Variants in HSD17B12 observed in about 807,000 individuals in gnomAD.
HSD17B12 encodes the protein very-long-chain 3-oxoacyl-CoA reductase.
HSD17B12 carries 32 observed loss-of-function variants against 39.3 expected under a neutral mutation model. The observed-to-expected ratio is 0.81, with a 90% CI of 0.61 to 1.09. HSD17B12 has a LOEUF of 1.09. Among genes scored for constraint, HSD17B12 ranks in the 50% least tolerant of loss-of-function variants. The pLI, the probability that HSD17B12 is intolerant of heterozygous loss-of-function variation, is 0.00. For missense variants in HSD17B12, 342 were observed against 382.9 expected, an observed-to-expected ratio of 0.89 and a Z score of 0.89; for synonymous variants, 150 against 146.7, an observed-to-expected ratio of 1.02 and a Z score of -0.16.
chr11:43,742,744 G>GT (rs547769716), intron 1 of HSD17B12, among the ~76,000 whole-genome samples: 2 of 150,058 alleles, frequency 1.3e-5, no homozygotes, highest in African/African-American at 2.5e-5. Flanking sequence ...AGGATTTCCA[G>GT]TTTTTTTGTG....
intron 1 of HSD17B12, among the ~76,000 whole-genome samples, chr11:43,742,112 A>AATATATAT (rs1168038073): frequency 4.9e-4 from 46 of 93,130 alleles, no homozygotes; most frequent in African/African-American, 1.4e-3. Context: ...AGGCAAAGGA[A>AATATATAT]ATATATATAT....
At chr11:43,736,761 A>G (rs1018307330) in intron 1 of HSD17B12, among the ~76,000 whole-genome samples, 2 of 152,150 alleles carry the variant, frequency 1.3e-5, no homozygotes, top group Non-Finnish European at 2.9e-5. Flanking sequence ...TGCACCCTGC[A>G]TGCTTCTCTT....
At chr11:43,577,264 A>T in the HSD17B12 span, among the ~76,000 whole-genome samples, 1 of 152,090 alleles carries the variant, frequency 6.6e-6, no homozygotes, top group African/African-American at 2.4e-5. Context: ...TGGATGCAGG[A>T]GAGGGATACG....
At chr11:43,682,815 A>T (rs1949762271) in intron 1 of HSD17B12, among the ~76,000 whole-genome samples, 1 of 150,404 alleles carries the variant, frequency 6.6e-6, no homozygotes, top group African/African-American at 2.4e-5. Context: ...ACAGGGTCTC[A>T]CTTTGTCACC....
chr11:43,561,842 A>G, the HSD17B12 span, among the ~76,000 whole-genome samples: 4,476 of 152,318 alleles, frequency 0.029, 144 homozygotes, highest in South Asian at 0.086. Context: ...AGACCAATCA[A>G]TGAATAATGA....
At chr11:43,572,355 A>G in the HSD17B12 span, among the ~76,000 whole-genome samples, 2 of 152,212 alleles carry the variant, frequency 1.3e-5, no homozygotes, top group South Asian at 2.1e-4. Context: ...CTTAGGAGGA[A>G]TAGATCAGTC....
At chr11:43,702,906 A>G (rs1324841845) in intron 1 of HSD17B12, among the ~76,000 whole-genome samples, 1 of 152,218 alleles carries the variant, frequency 6.6e-6, no homozygotes, top group Non-Finnish European at 1.5e-5. Flanking sequence ...GGCCCAGGGA[A>G]GCCAAAAGAC....
the HSD17B12 span, among the ~76,000 whole-genome samples, chr11:43,622,013 A>C: frequency 6.6e-6 from 1 of 152,180 alleles, no homozygotes; most frequent in Non-Finnish European, 1.5e-5. Flanking sequence ...GTTGTTACTA[A>C]ACTGCCTCCT....
chr11:43,698,396 C>T (rs957160869), intron 1 of HSD17B12, among the ~76,000 whole-genome samples: 1 of 152,158 alleles, frequency 6.6e-6, no homozygotes, highest in Admixed American at 6.5e-5. Flanking sequence ...TTATAGTCTA[C>T]AGAAAAGTGT....
intron 1 of HSD17B12, among the ~76,000 whole-genome samples, chr11:43,704,973 T>A (rs1950000250): frequency 6.6e-6 from 1 of 152,204 alleles, no homozygotes; most frequent in Admixed American, 6.5e-5. Context: ...ATTCCATTTT[T>A]TAAGGATATT....
the HSD17B12 span, among the ~76,000 whole-genome samples, chr11:43,586,505 C>T: frequency 5.9e-5 from 9 of 152,268 alleles, no homozygotes; most frequent in Non-Finnish European, 8.8e-5. Flanking sequence ...CCTTCTTGTC[C>T]TGTGGGGCTT....
the HSD17B12 span, chr11:43,581,488 C>A: frequency 8.0e-6 from 4 of 500,078 alleles, no homozygotes; most frequent in Non-Finnish European, 1.7e-5. The surrounding 1 kb of genome is among the most constrained non-coding windows in gnomAD (Gnocchi z 4.9). Context: ...AGGGCGCACT[C>A]GTCGAGAAGA....
chr11:43,605,859 T>C, the HSD17B12 span, among the ~76,000 whole-genome samples: 13 of 152,350 alleles, frequency 8.5e-5, no homozygotes, highest in East Asian at 1.9e-4. Flanking sequence ...AAAGCGGGCA[T>C]GTGTTCTTTT....
At chr11:43,761,784 C>G (rs1469162938) in intron 3 of HSD17B12, among the ~76,000 whole-genome samples, 1 of 152,172 alleles carries the variant, frequency 6.6e-6, no homozygotes, top group Non-Finnish European at 1.5e-5. Flanking sequence ...ACTATATTCC[C>G]CCAGAGTGAA....
chr11:43,720,638 A>G (rs1411192371), intron 1 of HSD17B12, among the ~76,000 whole-genome samples: 1 of 152,226 alleles, frequency 6.6e-6, no homozygotes, highest in Non-Finnish European at 1.5e-5. Context: ...AAGGGAAAAT[A>G]GATTCCATCT....
chr11:43,838,536 C>G (rs1951393306), intron 8 of HSD17B12, 138 bp downstream of exon 8: 2 of 648,110 alleles, frequency 3.1e-6, no homozygotes, highest in African/African-American at 3.7e-5. Flanking sequence ...AGGAAAATAC[C>G]CTACTTGAGT....
chr11:43,680,574 G>T, upstream of HSD17B12: 1 of 507,010 alleles, frequency 2.0e-6, no homozygotes, highest in Non-Finnish European at 3.5e-6. Context: ...GGAACCCCGG[G>T]GGACGCGGTG....
upstream of HSD17B12, chr11:43,680,587 G>T: frequency 1.9e-6 from 1 of 532,614 alleles, no homozygotes; most frequent in Admixed American, 3.5e-5. Context: ...ACGCGGTGAT[G>T]GGAGGAGTGT....
At chr11:43,699,556 T>C (rs138874117) in intron 1 of HSD17B12, among the ~76,000 whole-genome samples, 2 of 152,224 alleles carry the variant, frequency 1.3e-5, no homozygotes, top group Non-Finnish European at 2.9e-5. Flanking sequence ...CTCCAAAATA[T>C]GTATATTTGA....
Sources: gnomAD v4.1 joint callset for allele counts (sites outside exome capture counted in the v4.1 genomes callset) on GRCh38, gnomAD v4.1.1 for gene constraint, Gnocchi (gnomAD v3.1) non-coding constraint, MANE v1.5 for transcripts, NCBI Gene and HGNC (gene_info 2026-07-23, HGNC 2026-07-21) for gene names.